UBE3D: variants seen among roughly 807,000 people sequenced by gnomAD.
The protein encoded by UBE3D is ubiquitin protein ligase E3D.
A neutral mutation model predicts 49.6 loss-of-function variants in UBE3D; 48 were observed. That is an observed-to-expected ratio of 0.97 (90% confidence interval 0.77 to 1.23). The LOEUF is 1.23. UBE3D is among the 50% of genes most tolerant of loss of function. The pLI, the probability that UBE3D is intolerant of heterozygous loss-of-function variation, is 0.00. For synonymous variants in UBE3D, 189 were observed against 174.2 expected (o/e 1.08, Z -0.67); for missense variants, 452 against 468.4 (o/e 0.96, Z 0.32).
intron 8 of UBE3D, 142 bp downstream of exon 8, chr6:83,018,831 T>C: frequency 1.2e-6 from 1 of 857,642 alleles, no homozygotes; most frequent in Non-Finnish European, 1.8e-6. Context: ...ATTTTAAACA[T>C]ATAATATTTA....
intron 9 of UBE3D, among the ~76,000 whole-genome samples, chr6:82,936,543 G>C (rs1774589000): frequency 6.6e-6 from 1 of 152,006 alleles, no homozygotes; most frequent in South Asian, 2.1e-4. Flanking sequence ...AAAGAGTCAA[G>C]ATAAGGAGCC....
intron 8 of UBE3D, among the ~76,000 whole-genome samples, chr6:82,990,033 G>A (rs1246822106): frequency 7.2e-5 from 11 of 152,154 alleles, no homozygotes; most frequent in Admixed American, 7.2e-4. Flanking sequence ...GAATTTGCTG[G>A]AAGTGAAGCT....
chr6:83,026,887 T>C (rs1047692405), intron 5 of UBE3D, among the ~76,000 whole-genome samples: 1 of 152,072 alleles, frequency 6.6e-6, no homozygotes, highest in Admixed American at 6.5e-5. Flanking sequence ...TTTCACTATG[T>C]TGCCTAGGCC....
downstream of UBE3D, among the ~76,000 whole-genome samples, chr6:82,890,362 T>C (rs1169470724): frequency 6.6e-6 from 1 of 152,122 alleles, no homozygotes; most frequent in Admixed American, 6.6e-5. Context: ...TACAGACATG[T>C]TACCCCTCAG....
chr6:83,000,707 C>T (rs1312177801), intron 8 of UBE3D, among the ~76,000 whole-genome samples: 7 of 151,884 alleles, frequency 4.6e-5, no homozygotes, highest in Non-Finnish European at 8.8e-5. Flanking sequence ...CTACTCTATG[C>T]CTGTTTCTCT....
intron 9 of UBE3D, among the ~76,000 whole-genome samples, chr6:82,955,416 T>C (rs1454628008): frequency 1.3e-5 from 2 of 152,188 alleles, no homozygotes; most frequent in East Asian, 1.9e-4. Context: ...ACCCATGGCA[T>C]GCAAATTTCA....
intron 8 of UBE3D, among the ~76,000 whole-genome samples, chr6:83,016,175 A>G (rs942567720): frequency 1.3e-5 from 2 of 152,178 alleles, no homozygotes; most frequent in African/African-American, 4.8e-5. Flanking sequence ...AGCAGATTTG[A>G]GGCTTAGTAT....
chr6:82,896,413 TA>T (rs1771319694), intron 9 of UBE3D, among the ~76,000 whole-genome samples: 1 of 104,870 alleles, frequency 9.5e-6, no homozygotes, highest in African/African-American at 6.6e-5. Context: ...ATAATTATTT[TA>T]AAAAACAAAA....
intron 8 of UBE3D, 144 bp downstream of exon 8, chr6:83,018,829 C>T: frequency 1.2e-6 from 1 of 839,740 alleles, no homozygotes; most frequent in East Asian, 2.8e-5. Context: ...CTATTTTAAA[C>T]ATATAATATT....
intron 1 of UBE3D, among the ~76,000 whole-genome samples, chr6:83,060,068 C>T (rs1223240314): frequency 6.6e-6 from 1 of 152,142 alleles, no homozygotes; most frequent in Non-Finnish European, 1.5e-5. Flanking sequence ...TCAGGGGGGC[C>T]CCGCCCTCAA....
At chr6:83,046,082 T>C (rs945289169) in intron 3 of UBE3D, among the ~76,000 whole-genome samples, 20 of 152,174 alleles carry the variant, frequency 1.3e-4, no homozygotes, top group Non-Finnish European at 4.4e-5. Flanking sequence ...AATCAGAGAA[T>C]ATATCATATC....
intron 4 of UBE3D, among the ~76,000 whole-genome samples, chr6:83,040,668 A>T (rs557811897): frequency 9.8e-4 from 150 of 152,338 alleles, no homozygotes; most frequent in Non-Finnish European, 1.9e-3. Context: ...AGCCTTCCTC[A>T]AAAGTCTCTG....
intron 8 of UBE3D, among the ~76,000 whole-genome samples, chr6:82,960,921 C>T (rs1421802954): frequency 6.6e-6 from 1 of 152,164 alleles, no homozygotes; most frequent in East Asian, 1.9e-4. Flanking sequence ...ATAGGGTTCA[C>T]TGAAGCTACT....
chr6:82,920,942 ATT>A lies in UBE3D; in HGVS notation c.1150-27902_1150-27901del, dbSNP rs377206246. Among the ~76,000 whole-genome samples, 444 of 136,752 alleles carry A rather than the reference ATT, an allele frequency of 3.2e-3. 3 individuals carry two copies. The highest frequency in any genetic ancestry group is 0.022 in the East Asian group (100 of 4,628). The allele number at this position is 136,752 out of a possible 152,430, so 89.7% of individuals were successfully genotyped here. On this transcript the variant is annotated intron_variant, in intron 9 of 9. Coordinates refer to ENST00000369747, the MANE Select transcript of UBE3D (RefSeq NM_198920.3). ...TCAGTATAGAAAACTAAAAATGCTGATTTTTTTTTTTTTTTTTTGAGACAGCG... is the reference window on the plus strand; with the variant it reads ...TCAGTATAGAAAACTAAAAATGCTGATTTTTTTTTTTTTTTTGAGACAGCG...
At chr6:83,024,223 T>G (rs771564659) in intron 5 of UBE3D, among the ~76,000 whole-genome samples, 185 bp from the exon 6 acceptor site, 1 of 152,176 alleles carries the variant, frequency 6.6e-6, no homozygotes, top group Non-Finnish European at 1.5e-5. Context: ...TACAAGGAGA[T>G]AGTTCTGAAG....
chr6:82,921,941 G>A (rs1773375943), intron 9 of UBE3D, among the ~76,000 whole-genome samples: 1 of 152,086 alleles, frequency 6.6e-6, no homozygotes, highest in African/African-American at 2.4e-5. Flanking sequence ...AGTATTCCTA[G>A]GCTACAAGAG....
At chr6:82,917,017 A>T (rs779704603) in intron 9 of UBE3D, among the ~76,000 whole-genome samples, 1 of 152,232 alleles carries the variant, frequency 6.6e-6, no homozygotes, top group Non-Finnish European at 1.5e-5. Context: ...AGCACTTAAA[A>T]AAACCAAAGG....
intron 9 of UBE3D, among the ~76,000 whole-genome samples, chr6:82,953,104 T>C (rs1775917804): frequency 6.6e-6 from 1 of 152,220 alleles, no homozygotes; most frequent in Non-Finnish European, 1.5e-5. Context: ...TTGTGCCACC[T>C]AACCCCAGAG....
chr6:83,040,924 G>A lies in UBE3D; in HGVS notation c.598-2439C>T, dbSNP rs145018517. Among the ~76,000 whole-genome samples the A allele has an allele frequency of 4.3e-3, 661 of 152,328 alleles. 6 individuals carry two copies. Among genetic ancestry groups the A allele is most frequent in the African/African-American group, 0.015 (623 of 41,568 alleles). ...CCTAGGAAGGTGCCAATTTATTCAG[G>A]TCCAGGAGGAAGAGAACTCAGAAAG... On this transcript the variant is annotated intron_variant, in intron 4 of 9. Coordinates refer to ENST00000369747, the MANE Select transcript of UBE3D (RefSeq NM_198920.3).
Sources: gnomAD v4.1 joint callset for allele counts (sites outside exome capture counted in the v4.1 genomes callset) on GRCh38, gnomAD v4.1.1 for gene constraint, MANE v1.5 for transcripts, NCBI Gene and HGNC (gene_info 2026-07-23, HGNC 2026-07-21) for gene names.